The following SMYD2 variants were observed in gnomAD, a reference collection of about 807,000 sequenced individuals.
The protein encoded by SMYD2 is N-lysine methyltransferase SMYD2.
A neutral mutation model predicts 59.1 loss-of-function variants in SMYD2; 53 were observed. That is an observed-to-expected ratio of 0.90 (90% CI 0.72 to 1.13). The LOEUF is 1.13. SMYD2 is among the 50% of genes most tolerant of loss of function. SMYD2 has a pLI of 0.00. For synonymous variants in SMYD2, 208 were observed against 198.8 expected (o/e 1.05, Z -0.39); for missense variants, 494 against 544.7 (o/e 0.91, Z 0.93).
chr1:214,289,885 G>A (rs7412913), intron 1 of SMYD2, among the ~76,000 whole-genome samples: 51,590 of 152,134 alleles, frequency 0.34, 9,497 homozygotes, highest in African/African-American at 0.47. Context: ...AACTTGCATT[G>A]TTAGCCCACC....
intron 3 of SMYD2, among the ~76,000 whole-genome samples, chr1:214,316,902 A>G (rs892734783): frequency 6.6e-6 from 1 of 152,198 alleles, no homozygotes; most frequent in Admixed American, 6.5e-5. Context: ...AGGGAATAGG[A>G]TGACTGGGTG....
rs138767186 is a variant in SMYD2, at chr1:214,330,261, T to C, written c.799T>C (p.Cys267Arg). The change falls in exon 8 of 12, where the codon TGT becomes CGT. Residue 267 changes from cysteine (C) to arginine (R), a missense_variant. Cys to Arg is a radical substitution (Grantham distance 180, BLOSUM62 -3). Coordinates refer to ENST00000366957, the MANE Select transcript of SMYD2 (RefSeq NM_020197.3). The stretch of plus-strand genomic sequence containing the variant: ...TTTCTTTACCTGTGAGTGCCAGGAG[T>C]GTACCACCAAGGACAAGGTAAGGTT... The part of the protein sequence containing the change: ...SYFFTCECQE[C>R]TTKDKDKAKV... The C allele has an allele frequency of 6.2e-7, 1 of 1,611,610 alleles. No individual in the cohort carries two copies. The highest frequency in any genetic ancestry group is 8.5e-7 in the Non-Finnish European group (1 of 1,178,436).
chr1:214,334,242 G>A lies in SMYD2; in HGVS notation c.1155G>A (p.Trp385Ter), dbSNP rs1262544497. The A allele has an allele frequency of 6.2e-7, 1 of 1,613,948 alleles. No individual in the cohort carries two copies. Among genetic ancestry groups the A allele is most frequent in the Non-Finnish European group, 8.5e-7 (1 of 1,180,036 alleles). Residue 385 changes from tryptophan (W) to a stop codon, truncating the protein, a stop_gained, in exon 11 of 12, where the codon TGG (tryptophan) becomes TGA (stop). Transcript: ENST00000366957. LOFTEE classifies it high-confidence loss of function. ...PLYSLNVASM[W>*]LKLGRLYMGL... ...ACTCCCTCAACGTGGCCTCCATGTG[G>A]TTGAAGCTAGGGAGACTCTACATGG... is the stretch of plus-strand genomic sequence containing the variant.
intron 9 of SMYD2, chr1:214,331,799 G>T: frequency 1.9e-6 from 1 of 528,736 alleles, no homozygotes. Flanking sequence ...TGGACCCTGC[G>T]GCTAAAATTC....
intron 5 of SMYD2, among the ~76,000 whole-genome samples, chr1:214,320,671 TC>T (rs1450882822): frequency 6.6e-6 from 1 of 152,076 alleles, no homozygotes; most frequent in African/African-American, 2.4e-5. Context: ...CACTTCAGCT[TC>T]CCCCCAACTG....
chr1:214,296,665 A>G (rs1041878706), intron 1 of SMYD2, among the ~76,000 whole-genome samples: 1 of 152,226 alleles, frequency 6.6e-6, no homozygotes, highest in African/African-American at 2.4e-5. Flanking sequence ...TTCATAGCAA[A>G]CCTATGAGGT....
At chr1:214,319,400 T>C (rs898914094) in intron 5 of SMYD2, among the ~76,000 whole-genome samples, 2 of 152,156 alleles carry the variant, frequency 1.3e-5, no homozygotes, top group Non-Finnish European at 2.9e-5. Context: ...GCTGCACTGA[T>C]AGGAGGGCCC....
At chr1:214,308,926 GA>G (rs1222816932) in intron 2 of SMYD2, among the ~76,000 whole-genome samples, 1 of 152,182 alleles carries the variant, frequency 6.6e-6, no homozygotes, top group Non-Finnish European at 1.5e-5. Context: ...GTCAGAGAAA[GA>G]GAAGTGGCCT....
At chr1:214,290,589 G>A (rs543746984) in intron 1 of SMYD2, among the ~76,000 whole-genome samples, 1 of 152,206 alleles carries the variant, frequency 6.6e-6, no homozygotes, top group Admixed American at 6.5e-5. Flanking sequence ...AGGGTGTGTT[G>A]GTGCCCAGGG....
intron 11 of SMYD2, 119 bp downstream of exon 11, chr1:214,334,427 C>T: frequency 3.3e-6 from 3 of 916,900 alleles, no homozygotes; most frequent in Non-Finnish European, 5.2e-6. Flanking sequence ...CTCTCACCCA[C>T]CCTCTTGCCG....
In SMYD2 at chr1:214,297,424, G is replaced by A. The variant is rs576381178; in HGVS notation, c.174-7763G>A. On this transcript the variant is annotated intron_variant, in intron 1 of 11. Coordinates refer to ENST00000366957, the MANE Select transcript of SMYD2 (RefSeq NM_020197.3). ...TTGCAAATGAAAAATTTACGACTGTGTCTTTTGTAGGAACGGAGTTTGTTC... is the reference window on the plus strand; with the variant it reads ...TTGCAAATGAAAAATTTACGACTGTATCTTTTGTAGGAACGGAGTTTGTTC... 2.0e-5 allele frequency among the ~76,000 whole-genome samples: 3 copies of A among 152,042 alleles called. No individual in the cohort carries two copies. In the South Asian group the frequency reaches 6.2e-4, roughly 32 times the overall value.
Position 214,307,031 on chromosome 1 carries a change from G to A in SMYD2, c.237+1781G>A, listed in dbSNP as rs186300048. ...ACTAAAAATAGAAAAAAATTAGCCA[G>A]GCGTGGTGGCGGGTGCCTGTAATCC... On this transcript the variant is annotated intron_variant, in intron 2 of 11. Transcript: ENST00000366957. Among the ~76,000 whole-genome samples the A allele has an allele frequency of 4.0e-3, 613 of 152,346 alleles. 7 individuals carry two copies. Among genetic ancestry groups the A allele is most frequent in the Admixed American group, 8.4e-3 (128 of 15,304 alleles).
Position 214,332,015 on chromosome 1 carries a change from C to T in SMYD2, c.938-3C>T. 1 of 1,611,186 alleles carries T rather than the reference C, an allele frequency of 6.2e-7. No homozygotes were observed. Among genetic ancestry groups the T allele is most frequent in the Non-Finnish European group, 8.5e-7 (1 of 1,179,146 alleles). On this transcript the variant is annotated splice_polypyrimidine_tract_variant and splice_region_variant and intron_variant, in intron 9 of 11. Transcript: ENST00000366957. ...GGTGGCCCTTTCCTTGACTCCACAG[C>T]ACCCCCTAGTGAGCTGCTGGAGATC...
At chr1:214,334,585 A>T (rs1657407199) in intron 11 of SMYD2, among the ~76,000 whole-genome samples, 1 of 152,186 alleles carries the variant, frequency 6.6e-6, no homozygotes, top group Non-Finnish European at 1.5e-5. Flanking sequence ...TGCCTGGAGG[A>T]ATTCTCCATT....
chr1:214,307,154 C>T (rs1163581428), intron 2 of SMYD2, among the ~76,000 whole-genome samples: 1 of 152,196 alleles, frequency 6.6e-6, no homozygotes, highest in South Asian at 2.1e-4. Flanking sequence ...GCCTGGGCAA[C>T]AAGAGTGAAA....
intron 5 of SMYD2, 147 bp downstream of exon 5, chr1:214,319,130 G>A: frequency 9.2e-7 from 1 of 1,084,052 alleles, no homozygotes; most frequent in Non-Finnish European, 1.3e-6. Context: ...ACCGTGTGTT[G>A]CCATAGCCTT....
intron 1 of SMYD2, among the ~76,000 whole-genome samples, chr1:214,282,115 A>C (rs1047933739): frequency 6.6e-6 from 1 of 152,198 alleles, no homozygotes; most frequent in Non-Finnish European, 1.5e-5. Flanking sequence ...ATGGTATTTA[A>C]TTGTAAGATA....
chr1:214,281,985 G>T (rs191158391), intron 1 of SMYD2, among the ~76,000 whole-genome samples: 1 of 152,338 alleles, frequency 6.6e-6, no homozygotes, highest in African/African-American at 2.4e-5. Flanking sequence ...ACGCCAGTGG[G>T]CACTGACCAC....
rs1449160528 is a variant in SMYD2 at position 214,327,702 on chromosome 1, A to G, written c.683A>G (p.Gln228Arg). The G allele has an allele frequency of 1.9e-6, 3 of 1,614,068 alleles. No individual in the cohort carries two copies. Among genetic ancestry groups the G allele is most frequent in the African/African-American group, 1.3e-5 (1 of 74,928 alleles). Residue 228 changes from glutamine (Q) to arginine (R), a missense_variant, in exon 7 of 12, where the codon CAG becomes CGG. By Grantham distance (43) the Gln-to-Arg change is conservative. Coordinates refer to ENST00000366957, the MANE Select transcript of SMYD2 (RefSeq NM_020197.3). ...ACCCTGGCAGAAGTCAGAGCTGTAC[A>G]GGAAATCAAGCCGGGAGAGGAGGTG... ...KGTLAEVRAV[Q>R]EIKPGEEVFT...
Sources: allele counts gnomAD v4.1 joint callset (sites outside exome capture counted in the v4.1 genomes callset), GRCh38; gene constraint gnomAD v4.1.1; transcripts MANE v1.5; gene names NCBI Gene and HGNC (gene_info 2026-07-23, HGNC 2026-07-21).